TTC28: variants seen among roughly 807,000 people sequenced by gnomAD.
TTC28 encodes the protein tetratricopeptide repeat domain 28.
In TTC28, 61 loss-of-function variants were observed where a neutral mutation model predicts 198.0. That is an observed-to-expected ratio of 0.31 (90% CI 0.25 to 0.38). TTC28 has a LOEUF of 0.38. Among genes scored for constraint, TTC28 ranks in the 10% least tolerant of loss-of-function variants. The pLI is 1.00. For synonymous variants in TTC28, 1,171 were observed against 1,297.8 expected (o/e 0.90, Z 2.10); for missense variants, 2,678 against 3,164.0 (o/e 0.85, Z 3.69).
chr22:28,263,593 A>T (rs956624031), intron 5 of TTC28, among the ~76,000 whole-genome samples: 11 of 152,118 alleles, frequency 7.2e-5, no homozygotes, highest in Non-Finnish European at 1.6e-4. Flanking sequence ...TATTCAGTAC[A>T]TTCCTGAGTT....
In TTC28 at chr22:28,182,755, G is replaced by A. The variant is rs1353678507; in HGVS notation, c.934-19156C>T. ...TCTGTACTTTCACTAATTCTAGCAGGTTTAACCTCTATCCCCTGTTGAATG... is the reference window on the plus strand; with the variant it reads ...TCTGTACTTTCACTAATTCTAGCAGATTTAACCTCTATCCCCTGTTGAATG... On this transcript the variant is annotated intron_variant, in intron 5 of 22. Coordinates refer to ENST00000397906, the MANE Select transcript of TTC28 (RefSeq NM_001145418.2). Among the ~76,000 whole-genome samples, 3 of 152,144 alleles carry A rather than the reference G, an allele frequency of 2.0e-5. 1 individual carries two copies. Among genetic ancestry groups the A allele is most frequent in the Admixed American group, 2.0e-4 (3 of 15,272 alleles).
intron 5 of TTC28, among the ~76,000 whole-genome samples, chr22:28,228,877 C>T (rs948027746): frequency 5.9e-5 from 9 of 152,220 alleles, no homozygotes; most frequent in East Asian, 5.8e-4. Flanking sequence ...TACACCCCGG[C>T]GAGGCGTGGT....
chr22:28,344,066 A>G (rs2045872193), intron 2 of TTC28, among the ~76,000 whole-genome samples: 1 of 151,934 alleles, frequency 6.6e-6, no homozygotes, highest in Non-Finnish European at 1.5e-5. Context: ...CAGTTATTTG[A>G]TATCTGGCCT....
intron 2 of TTC28, among the ~76,000 whole-genome samples, chr22:28,500,121 A>T (rs1413086859): frequency 1.3e-5 from 2 of 152,138 alleles, no homozygotes; most frequent in Non-Finnish European, 2.9e-5. Flanking sequence ...TACATCTATC[A>T]CCACAATCAA....
At chr22:28,099,611 T>C (rs1405411794) in intron 9 of TTC28, among the ~76,000 whole-genome samples, 1 of 152,232 alleles carries the variant, frequency 6.6e-6, no homozygotes, top group East Asian at 1.9e-4. Context: ...TTACAGTTTA[T>C]ATAATCGATT....
chr22:27,990,117 C>A (rs1023698214), intron 20 of TTC28, 110 bp from the exon 21 acceptor site: 4 of 1,341,984 alleles, frequency 3.0e-6, no homozygotes, highest in Non-Finnish European at 4.0e-6. Context: ...GCTAATGACC[C>A]TCTCATGAGT....
intron 6 of TTC28, among the ~76,000 whole-genome samples, chr22:28,134,929 T>C (rs1273894288): frequency 6.6e-6 from 1 of 152,232 alleles, no homozygotes; most frequent in Non-Finnish European, 1.5e-5. Context: ...TGCTCACTCA[T>C]GCATTCTTAT....
At chr22:28,151,664 T>C (rs1372320542) in intron 6 of TTC28, among the ~76,000 whole-genome samples, 1 of 152,216 alleles carries the variant, frequency 6.6e-6, no homozygotes, top group Non-Finnish European at 1.5e-5. Context: ...TGTGAATCAT[T>C]TTCTGCAAGG....
chr22:28,457,561 G>C (rs2047880769), intron 2 of TTC28, among the ~76,000 whole-genome samples: 1 of 152,168 alleles, frequency 6.6e-6, no homozygotes, highest in East Asian at 1.9e-4. Flanking sequence ...CTTTTAGACT[G>C]TATCTGAAAA....
At chr22:28,166,332 C>T (rs1471366092) in intron 5 of TTC28, among the ~76,000 whole-genome samples, 3 of 152,228 alleles carry the variant, frequency 2.0e-5, no homozygotes, top group Non-Finnish European at 2.9e-5. Context: ...ACCTAACAGA[C>T]ATCTACAGAA....
intron 6 of TTC28, among the ~76,000 whole-genome samples, chr22:28,136,733 C>T (rs1386257323): frequency 1.3e-5 from 2 of 152,136 alleles, no homozygotes; most frequent in African/African-American, 4.8e-5. Context: ...ATGTTTAATT[C>T]TTGTTCACTT....
chr22:28,387,531 C>A (rs2046630321), intron 2 of TTC28, among the ~76,000 whole-genome samples: 1 of 152,182 alleles, frequency 6.6e-6, no homozygotes, highest in Admixed American at 6.5e-5. Flanking sequence ...TTAATGATTG[C>A]CATTCTAACT....
intron 5 of TTC28, among the ~76,000 whole-genome samples, chr22:28,210,150 A>G (rs1926796120): frequency 6.6e-6 from 1 of 152,186 alleles, no homozygotes; most frequent in South Asian, 2.1e-4. Context: ...CACCATCACC[A>G]AAGACCAAAG....
At chr22:28,245,692 T>C (rs1399355030) in intron 5 of TTC28, among the ~76,000 whole-genome samples, 5 of 152,192 alleles carry the variant, frequency 3.3e-5, no homozygotes, top group African/African-American at 9.7e-5. Flanking sequence ...GTCTTTCTCA[T>C]TGGCACTTTT....
At position 28,357,315 on chromosome 22, in the gene TTC28, A is replaced by ATTTTTTTTTT. The variant is rs11415868; in HGVS notation, c.382-50682_382-50673dup. ...AGAAATCACTTTTATCAAATTTCTT[A>ATTTTTTTTTT]TTTTTTTTTTTTTTTTTTTTTGAGA... On this transcript the variant is annotated intron_variant, in intron 2 of 22. Coordinates refer to ENST00000397906, the MANE Select transcript of TTC28 (RefSeq NM_001145418.2). 5.3e-5 allele frequency among the ~76,000 whole-genome samples: 6 copies of ATTTTTTTTTT among 113,484 alleles called. 1 individual carries two copies. The highest frequency in any genetic ancestry group is 2.0e-4 in the Admixed American group (2 of 9,896). 74.4% of individuals were successfully genotyped at this position (113,484 alleles called of 152,430 possible). A position where few individuals can be genotyped will look rare whatever the true frequency, so the allele number is the denominator to read the frequency against.
At chr22:28,092,941 T>C (rs1941857012) in intron 12 of TTC28, among the ~76,000 whole-genome samples, 1 of 152,238 alleles carries the variant, frequency 6.6e-6, no homozygotes. Flanking sequence ...TATATTTGGC[T>C]ACTTTCTCAA....
intron 2 of TTC28, among the ~76,000 whole-genome samples, chr22:28,577,891 G>A (rs894301482): frequency 1.3e-5 from 2 of 151,970 alleles, no homozygotes; most frequent in Non-Finnish European, 2.9e-5. Flanking sequence ...GGTAACAGAT[G>A]ATGGTGTCTT....
At chr22:28,245,549 A>G (rs1054171115) in intron 5 of TTC28, among the ~76,000 whole-genome samples, 1 of 152,190 alleles carries the variant, frequency 6.6e-6, no homozygotes, top group African/African-American at 2.4e-5. Flanking sequence ...CCAAAACATC[A>G]CAAAAGAAAT....
chr22:28,205,145 A>T (rs1025980016), intron 5 of TTC28, among the ~76,000 whole-genome samples: 1 of 152,092 alleles, frequency 6.6e-6, no homozygotes, highest in Non-Finnish European at 1.5e-5. Flanking sequence ...AGGGAATAAA[A>T]ATAGCCTAAA....
Sources: allele counts gnomAD v4.1 joint callset (sites outside exome capture counted in the v4.1 genomes callset), GRCh38; gene constraint gnomAD v4.1.1; transcripts MANE v1.5; gene names NCBI Gene and HGNC (gene_info 2026-07-23, HGNC 2026-07-21).